The following PRKN variants were observed in gnomAD, a reference collection of about 807,000 sequenced individuals.
PRKN encodes the protein parkin RBR E3 ubiquitin protein ligase, also known as E3 ubiquitin-protein ligase parkin.
PRKN carries 56 observed loss-of-function variants against 59.5 expected under a neutral mutation model. The observed-to-expected ratio is 0.94, with a 90% confidence interval of 0.76 to 1.18. The LOEUF (loss-of-function observed/expected upper bound fraction) is 1.18. Ranked by LOEUF, PRKN falls within the 50% of genes most tolerant of loss-of-function variation. PRKN has a pLI of 0.00. For missense variants in PRKN, 657 were observed against 596.4 expected, an observed-to-expected ratio of 1.10 and a Z score of -1.06; for synonymous variants, 250 against 222.1, an observed-to-expected ratio of 1.13 and a Z score of -1.12.
intron 1 of PRKN, chr6:162,624,546 A>G (rs911737229): frequency 6.6e-6 from 1 of 152,226 alleles, no homozygotes; most frequent in African/African-American, 2.4e-5. Flanking sequence ...GCTCACTTCC[A>G]CAGCAGACTT....
At chr6:162,233,293 C>T (rs578121607) in intron 3 of PRKN, among the ~76,000 whole-genome samples, 16 of 152,176 alleles carry the variant, frequency 1.1e-4, no homozygotes, top group African/African-American at 3.9e-4. Flanking sequence ...TAAAGCAAAG[C>T]ATATGCAAGT....
intron 2 of PRKN, among the ~76,000 whole-genome samples, chr6:162,297,445 AG>A (rs1263790604): frequency 2.1e-5 from 3 of 143,326 alleles, no homozygotes; most frequent in Non-Finnish European, 4.7e-5. Context: ...GAAGGAAAAA[AG>A]GCACAATTCT....
intron 1 of PRKN, among the ~76,000 whole-genome samples, chr6:162,501,215 T>C (rs1793351680): frequency 6.6e-6 from 1 of 152,104 alleles, no homozygotes; most frequent in Non-Finnish European, 1.5e-5. Flanking sequence ...CTCCAAAAGA[T>C]AAATTCTAAA....
intron 1 of PRKN, among the ~76,000 whole-genome samples, chr6:162,692,819 A>G (rs999058306): frequency 3.9e-5 from 6 of 152,144 alleles, no homozygotes; most frequent in Non-Finnish European, 5.9e-5. Context: ...ATAGCTTTTT[A>G]TAATAGATTT....
At chr6:162,077,536 C>T (rs556893706) in intron 4 of PRKN, among the ~76,000 whole-genome samples, 3 of 152,110 alleles carry the variant, frequency 2.0e-5, no homozygotes, top group Non-Finnish European at 2.9e-5. Flanking sequence ...TGGAGGAGGT[C>T]TCTTATAAAT....
intron 4 of PRKN, among the ~76,000 whole-genome samples, chr6:162,115,468 A>G (rs1780629283): frequency 6.6e-6 from 1 of 152,006 alleles, no homozygotes; most frequent in South Asian, 2.1e-4. Context: ...CACATTGTGC[A>G]CATGTACCCT....
intron 6 of PRKN, among the ~76,000 whole-genome samples, chr6:161,874,985 A>AAAG: frequency 9.4e-6 from 1 of 106,576 alleles, no homozygotes; most frequent in Non-Finnish European, 1.6e-5. Context: ...ATTATATTAT[A>AAAG]TACTTTATAT....
intron 2 of PRKN, among the ~76,000 whole-genome samples, chr6:162,392,249 G>GC (rs1316906498): frequency 6.6e-6 from 1 of 152,096 alleles, no homozygotes; most frequent in Non-Finnish European, 1.5e-5. Context: ...CATAAGGTCT[G>GC]CTCAGGCCAG....
intron 2 of PRKN, among the ~76,000 whole-genome samples, chr6:162,333,074 G>T (rs1451091236): frequency 6.6e-6 from 1 of 152,064 alleles, no homozygotes; most frequent in East Asian, 1.9e-4. Flanking sequence ...ATAGTTTAAA[G>T]AAATATTTTG....
At chr6:161,605,578 C>A (rs764712613) in intron 7 of PRKN, among the ~76,000 whole-genome samples, 4 of 149,904 alleles carry the variant, frequency 2.7e-5, no homozygotes, top group Non-Finnish European at 5.9e-5. Flanking sequence ...GTGGCGCGAT[C>A]TTGGCTCACT....
chr6:162,010,257 T>TAA (rs1782445695), intron 5 of PRKN, among the ~76,000 whole-genome samples: 1 of 131,912 alleles, frequency 7.6e-6, no homozygotes, highest in Non-Finnish European at 1.5e-5. Flanking sequence ...ATACATAATA[T>TAA]ATATTTTATA....
intron 1 of PRKN, among the ~76,000 whole-genome samples, chr6:162,618,948 A>G (rs1258905923): frequency 6.6e-6 from 1 of 152,196 alleles, no homozygotes; most frequent in African/African-American, 2.4e-5. Context: ...TAAAAAGTAC[A>G]GGATTCTCTG....
intron 1 of PRKN, among the ~76,000 whole-genome samples, chr6:162,559,529 A>T (rs978423105): frequency 6.6e-6 from 1 of 152,194 alleles, no homozygotes; most frequent in Non-Finnish European, 1.5e-5. Flanking sequence ...TCTACAAGAA[A>T]GCTACGGGTC....
At chr6:162,561,432 C>A (rs1414257280) in intron 1 of PRKN, among the ~76,000 whole-genome samples, 2 of 152,032 alleles carry the variant, frequency 1.3e-5, no homozygotes, top group Admixed American at 6.5e-5. Flanking sequence ...CGTCCCCCGA[C>A]CCCGCAAGGA....
At chr6:161,716,633 G>T (rs73783355) in intron 7 of PRKN, among the ~76,000 whole-genome samples, 5,356 of 152,236 alleles carry the variant, frequency 0.035, 95 homozygotes, top group African/African-American at 0.053. Flanking sequence ...AAGAAACAAA[G>T]GCTATGTACT....
In PRKN at chr6:161,499,123, C is replaced by A. The variant is rs1235333673; in HGVS notation, c.1083+49731G>T. On this transcript the variant is annotated intron_variant, in intron 9 of 11. Transcript: ENST00000366898. The surrounding 1 kb of genome is among the most constrained non-coding windows in gnomAD (Gnocchi z 4.2). ...CTTGTGAGCAGGGTCTGGACACACA[C>A]ACACACACATTTTTTTTTTTTTTTT... Among the ~76,000 whole-genome samples the A allele has an allele frequency of 9.0e-6, 1 of 111,640 alleles. No homozygotes were observed. The highest frequency in any genetic ancestry group is 3.5e-5 in the African/African-American group (1 of 28,274). 73.2% of individuals were successfully genotyped at this position (111,640 alleles called of 152,430 possible).
intron 7 of PRKN, among the ~76,000 whole-genome samples, chr6:161,615,421 T>C (rs1002127767): frequency 6.6e-6 from 1 of 152,236 alleles, no homozygotes; most frequent in Admixed American, 6.5e-5. Flanking sequence ...AGGGTATAAA[T>C]ATGTCAATAC....
intron 4 of PRKN, among the ~76,000 whole-genome samples, chr6:162,137,651 T>C (rs551626109): frequency 1.3e-5 from 2 of 152,252 alleles, no homozygotes; most frequent in South Asian, 2.1e-4. Context: ...TGTTGTGTCA[T>C]GACATAGTGA....
intron 4 of PRKN, among the ~76,000 whole-genome samples, chr6:162,186,750 A>C (rs995387906): frequency 1.5e-4 from 23 of 152,288 alleles, no homozygotes; most frequent in African/African-American, 5.5e-4. Context: ...GTTTGTTTAA[A>C]AGTGCGTAGC....
Sources: allele counts gnomAD v4.1 joint callset (sites outside exome capture counted in the v4.1 genomes callset), GRCh38; gene constraint gnomAD v4.1.1; non-coding constraint Gnocchi (gnomAD v3.1); transcripts MANE v1.5; gene names NCBI Gene and HGNC (gene_info 2026-07-23, HGNC 2026-07-21).